The following CLASP1 variants were observed in gnomAD, a reference collection of about 807,000 sequenced individuals.
CLASP1 encodes cytoplasmic linker associated protein 1, also known as CLIP-associating protein 1.
Under a neutral mutation model 192.3 loss-of-function variants are expected in CLASP1, and 38 were observed. That is an observed-to-expected ratio of 0.20 (90% CI 0.15 to 0.26). The LOEUF (loss-of-function observed/expected upper bound fraction) is 0.26. Among genes scored for constraint, CLASP1 ranks in the 10% least tolerant of loss-of-function variants. CLASP1 has a pLI of 1.00. For synonymous variants in CLASP1, 691 were observed against 712.8 expected (o/e 0.97, Z 0.49); for missense variants, 1,433 against 1,932.5 (o/e 0.74, Z 4.85).
At chr2:121,401,066 T>C (rs2149459367) in intron 28 of CLASP1, among the ~76,000 whole-genome samples, 1 of 152,308 alleles carries the variant, frequency 6.6e-6, no homozygotes, top group East Asian at 1.9e-4. Context: ...GCTATTAATC[T>C]CTAGCCAGTG....
chr2:121,538,294 C>T (rs534456164), intron 2 of CLASP1, among the ~76,000 whole-genome samples: 4 of 152,070 alleles, frequency 2.6e-5, no homozygotes, highest in African/African-American at 4.8e-5. Flanking sequence ...TGCCTGTAAT[C>T]GCAGCTACTT....
intron 14 of CLASP1, 88 bp downstream of exon 14, chr2:121,457,599 C>A: frequency 2.1e-6 from 2 of 966,578 alleles, no homozygotes; most frequent in Admixed American, 2.0e-5. Flanking sequence ...GCATGTTATA[C>A]ATGAAATTTT....
intron 1 of CLASP1, among the ~76,000 whole-genome samples, chr2:121,639,069 G>A (rs946390449): frequency 6.6e-6 from 1 of 152,110 alleles, no homozygotes; most frequent in Non-Finnish European, 1.5e-5. Flanking sequence ...AAGGTCAGAA[G>A]ATTGAGACCA....
At chr2:121,385,689 T>G (rs2073039210) in intron 32 of CLASP1, among the ~76,000 whole-genome samples, 1 of 152,262 alleles carries the variant, frequency 6.6e-6, no homozygotes, top group African/African-American at 2.4e-5. Flanking sequence ...AAAAGATGTA[T>G]GAACTGTATA....
In CLASP1 at chr2:121,537,395, G is replaced by GA. The variant is rs563899822; in HGVS notation, c.196-7071dup. On this transcript the variant is annotated intron_variant, in intron 2 of 39. Coordinates refer to ENST00000263710, the Ensembl canonical transcript of CLASP1. ...TGACAGATCAAGATCCTGTGTCCAA[G>GA]AAAAAAAAAAAGAGAGAGAGAGAGA... 4.0e-4 allele frequency among the ~76,000 whole-genome samples: 51 copies of GA among 128,568 alleles called. 1 individual carries two copies. The highest frequency in any genetic ancestry group is 3.4e-3 in the South Asian group (14 of 4,152). 84.3% of individuals were successfully genotyped at this position (128,568 alleles called of 152,430 possible).
intron 19 of CLASP1, among the ~76,000 whole-genome samples, chr2:121,445,771 C>A (rs565966490): frequency 8.5e-5 from 13 of 152,226 alleles, no homozygotes; most frequent in Admixed American, 7.8e-4. Flanking sequence ...TATTATCATA[C>A]CAAAAGACGT....
At chr2:121,396,190 C>A (rs999032758) in intron 30 of CLASP1, among the ~76,000 whole-genome samples, 1 of 152,096 alleles carries the variant, frequency 6.6e-6, no homozygotes, top group African/African-American at 2.4e-5. Context: ...GGATTATGGT[C>A]CTAGAACCTG....
At chr2:121,477,054 G>A (rs999702993) in intron 8 of CLASP1, among the ~76,000 whole-genome samples, 2 of 152,252 alleles carry the variant, frequency 1.3e-5, no homozygotes, top group Non-Finnish European at 2.9e-5. Flanking sequence ...GATCCTGCCC[G>A]GCTCTAACTT....
At chr2:121,536,295 C>A (rs61604142) in intron 2 of CLASP1, among the ~76,000 whole-genome samples, 4 of 147,164 alleles carry the variant, frequency 2.7e-5, no homozygotes, top group Non-Finnish European at 5.9e-5. Flanking sequence ...GCAGGAGAAT[C>A]GCATGAACCT....
chr2:121,583,046 A>G (rs2061375814), intron 2 of CLASP1, among the ~76,000 whole-genome samples: 1 of 152,056 alleles, frequency 6.6e-6, no homozygotes, highest in Non-Finnish European at 1.5e-5. Flanking sequence ...TCAGCCTCCC[A>G]AAGTGCTAGC....
intron 5 of CLASP1, among the ~76,000 whole-genome samples, chr2:121,526,247 ACTGT>A (rs2094571272): frequency 6.6e-6 from 1 of 152,212 alleles, no homozygotes; most frequent in African/African-American, 2.4e-5. Context: ...CCTCTGCATT[ACTGT>A]CTGTCACTTT....
At chr2:121,367,300 G>T (rs1018183285) in intron 35 of CLASP1, among the ~76,000 whole-genome samples, 3 of 152,254 alleles carry the variant, frequency 2.0e-5, no homozygotes, top group African/African-American at 7.2e-5. Context: ...CCTGATGGTA[G>T]AGTTGGCCTT....
In CLASP1 at chr2:121,352,355, T is replaced by C. The variant is rs550097291; in HGVS notation, c.4207-3637A>G. Among the ~76,000 whole-genome samples, 20 of 152,324 alleles carry C rather than the reference T, an allele frequency of 1.3e-4. No individual in the cohort carries two copies. In the South Asian group the frequency reaches 3.7e-3, roughly 28 times the overall value. On this transcript the variant is annotated intron_variant, in intron 37 of 39. Transcript: ENST00000263710. Reference sequence around the variant, plus strand: ...GCATTGACTCCATGCATGCCACCAATGTACAGGAAGGAGCCTATTTGAAGG... The same window carrying C: ...GCATTGACTCCATGCATGCCACCAACGTACAGGAAGGAGCCTATTTGAAGG...
intron 2 of CLASP1, among the ~76,000 whole-genome samples, chr2:121,572,352 C>T (rs1000191415): frequency 3.3e-5 from 5 of 152,112 alleles, no homozygotes; most frequent in East Asian, 3.9e-4. Context: ...GGCATGAACC[C>T]GGGACGCGGA....
chr2:121,542,286 A>ATGTTTTCT (rs2095250635), intron 2 of CLASP1, among the ~76,000 whole-genome samples: 1 of 152,244 alleles, frequency 6.6e-6, no homozygotes, highest in Non-Finnish European at 1.5e-5. Context: ...TGCTGAGTCA[A>ATGTTTTCT]AAAGAAAACA....
At chr2:121,450,947 C>T in exon 16 of CLASP1, 1 of 1,611,380 alleles carries the variant, frequency 6.2e-7, no homozygotes, top group African/African-American at 1.3e-5. Flanking sequence ...GAATCAGCAT[C>T]ATGTATTCCC....
chr2:121,447,201 G>T, intron 19 of CLASP1, 136 bp downstream of exon 19: 1 of 802,442 alleles, frequency 1.2e-6, no homozygotes. Flanking sequence ...GCAAGTGCAC[G>T]AAGCTACTTA....
intron 8 of CLASP1, among the ~76,000 whole-genome samples, chr2:121,478,796 CACACCACACA>C (rs1184701193): frequency 9.3e-4 from 61 of 65,704 alleles, no homozygotes; most frequent in Non-Finnish European, 2.0e-3. Flanking sequence ...ACACACACCA[CACACCACACA>C]CACACCCCAC....
rs146824659 is a variant in CLASP1 at position 121,506,203 on chromosome 2, C to T, written c.645-2969G>A. On this transcript the variant is annotated intron_variant, in intron 7 of 39. Coordinates refer to ENST00000263710, the Ensembl canonical transcript of CLASP1. ...CGTCCAAATCAACTTATCATCATGG[C>T]AAGTGTGAAAACCAGCAGCCTGGCA... is the stretch of plus-strand genomic sequence containing the variant. Among the ~76,000 whole-genome samples, 316 of 152,180 alleles carry T rather than the reference C, an allele frequency of 2.1e-3. 1 individual carries two copies. The highest frequency in any genetic ancestry group is 6.1e-3 in the African/African-American group (253 of 41,502).
Sources: allele counts gnomAD v4.1 joint callset (sites outside exome capture counted in the v4.1 genomes callset), GRCh38; gene constraint gnomAD v4.1.1; transcripts MANE v1.5; gene names NCBI Gene and HGNC (gene_info 2026-07-23, HGNC 2026-07-21).